PDGFD: variants seen among roughly 807,000 people sequenced by gnomAD.
The protein encoded by PDGFD is platelet-derived growth factor D.
In PDGFD, 30 loss-of-function variants were observed where a neutral mutation model predicts 44.7. The ratio of observed to expected loss-of-function variants is 0.67; its 90% CI spans 0.50 to 0.91. The LOEUF (loss-of-function observed/expected upper bound fraction) is 0.91, where lower values mean the gene tolerates loss of function less well. PDGFD is among the 40% of genes least tolerant of loss of function. PDGFD has a pLI of 0.00. For synonymous variants in PDGFD, 173 were observed against 168.4 expected (o/e 1.03, Z -0.21); for missense variants, 445 against 457.8 (o/e 0.97, Z 0.25).
chr11:104,159,566 T>C (rs1371734993), intron 1 of PDGFD, among the ~76,000 whole-genome samples: 1 of 152,182 alleles, frequency 6.6e-6, no homozygotes, highest in Non-Finnish European at 1.5e-5. Flanking sequence ...TCTAGACTCT[T>C]AGAGTGATAG....
chr11:104,104,710 C>A (rs1055434338), intron 1 of PDGFD, among the ~76,000 whole-genome samples: 4 of 152,066 alleles, frequency 2.6e-5, no homozygotes, highest in African/African-American at 9.7e-5. Context: ...ACCTAATATT[C>A]TCACCAAGAA....
intron 1 of PDGFD, among the ~76,000 whole-genome samples, chr11:104,110,002 T>C (rs1240155556): frequency 1.3e-5 from 2 of 152,122 alleles, no homozygotes; most frequent in Non-Finnish European, 2.9e-5. Context: ...GAGCTAACCA[T>C]ATTGAATGCT....
intron 1 of PDGFD, among the ~76,000 whole-genome samples, chr11:104,009,307 T>C (rs1006151953): frequency 2.0e-5 from 3 of 152,128 alleles, no homozygotes; most frequent in African/African-American, 4.8e-5. Flanking sequence ...CTTGGATTTA[T>C]TAAGCAATAT....
chr11:104,076,789 C>A lies in PDGFD; in HGVS notation c.125-76534G>T, dbSNP rs548520768. 3.2e-4 allele frequency among the ~76,000 whole-genome samples: 49 copies of A among 152,288 alleles called. 1 individual carries two copies. Among genetic ancestry groups the A allele is most frequent in the African/African-American group, 1.1e-3 (45 of 41,556 alleles). On this transcript the variant is annotated intron_variant, in intron 1 of 6. Transcript: ENST00000393158. ...TCTGCCACCCTTAAGACAGCAAGAC[C>A]AAGCCCTTCTCTTTCTTCTCTCTCC...
chr11:104,005,603 G>A (rs1386751), intron 1 of PDGFD, among the ~76,000 whole-genome samples: 45,401 of 152,052 alleles, frequency 0.3, 8,170 homozygotes, highest in Admixed American at 0.48. Flanking sequence ...TAACATTTCT[G>A]GAGCAACTAT....
chr11:103,975,764 T>C (rs1198816516), intron 3 of PDGFD, among the ~76,000 whole-genome samples: 3 of 152,156 alleles, frequency 2.0e-5, no homozygotes, highest in African/African-American at 7.2e-5. Flanking sequence ...CCTTTCCCCA[T>C]TGCTTGTTTT....
Position 104,142,163 on chromosome 11 carries a change from ATG to A in PDGFD, c.124+21639_124+21640del, listed in dbSNP as rs1407101878. On this transcript the variant is annotated intron_variant, in intron 1 of 6. Coordinates refer to ENST00000393158, the MANE Select transcript of PDGFD (RefSeq NM_025208.5). ...CATAACAAACAATACACCTGAACAT[ATG>A]TGTGTACATGTTTGCATGCCTGTAC... Among the ~76,000 whole-genome samples, 3 of 152,208 alleles carry A rather than the reference ATG, an allele frequency of 2.0e-5. No individual in the cohort carries two copies. In the East Asian group the frequency reaches 5.8e-4, roughly 29 times the overall value.
At chr11:104,046,491 T>C (rs1860444198) in intron 1 of PDGFD, among the ~76,000 whole-genome samples, 1 of 147,512 alleles carries the variant, frequency 6.8e-6, no homozygotes, top group African/African-American at 2.5e-5. Flanking sequence ...AAAACAATAA[T>C]TGACAGAAAA....
At chr11:104,125,027 T>C (rs1018279719) in intron 1 of PDGFD, among the ~76,000 whole-genome samples, 1 of 152,150 alleles carries the variant, frequency 6.6e-6, no homozygotes, top group African/African-American at 2.4e-5. Flanking sequence ...ATTAAGCTTT[T>C]TGTGTTGACT....
chr11:103,907,880 T>C lies in PDGFD; in HGVS notation c.*1814A>G, dbSNP rs1227843546. 6.6e-6 allele frequency: 1 copy of C among 152,192 alleles called. No homozygotes were observed. The highest frequency in any genetic ancestry group is 2.4e-5 in the African/African-American group (1 of 41,432). 9.4% of individuals were successfully genotyped at this position (152,192 alleles called of 1,614,324 possible). ...GAGAATTGAACAATAGAGTATTTAA[T>C]TTTACCACTCCCCTCTTGAGTAAAA... is the stretch of plus-strand genomic sequence containing the variant. On this transcript the variant is annotated 3_prime_UTR_variant, in exon 7 of 7. Coordinates refer to ENST00000393158, the MANE Select transcript of PDGFD (RefSeq NM_025208.5).
At chr11:104,141,746 T>G (rs569235515) in intron 1 of PDGFD, among the ~76,000 whole-genome samples, 11 of 152,256 alleles carry the variant, frequency 7.2e-5, no homozygotes, top group African/African-American at 2.4e-4. Flanking sequence ...AATGTGACCA[T>G]GAAGGCAGAA....
At chr11:104,092,414 C>T (rs571675512) in intron 1 of PDGFD, among the ~76,000 whole-genome samples, 8 of 152,206 alleles carry the variant, frequency 5.3e-5, no homozygotes, top group African/African-American at 1.9e-4. Flanking sequence ...GCAGAACAAC[C>T]GAGGACCTAC....
intron 1 of PDGFD, among the ~76,000 whole-genome samples, chr11:104,011,676 A>G (rs1288565104): frequency 1.3e-5 from 2 of 152,144 alleles, no homozygotes; most frequent in Non-Finnish European, 2.9e-5. Context: ...GTAGCATAAT[A>G]TATGGATGAA....
intron 1 of PDGFD, among the ~76,000 whole-genome samples, chr11:104,067,711 A>T (rs1860811543): frequency 6.6e-6 from 1 of 152,168 alleles, no homozygotes. Context: ...TTGGGAAGAT[A>T]AATGGCATCT....
At chr11:104,139,616 A>G (rs550647476) in intron 1 of PDGFD, among the ~76,000 whole-genome samples, 2 of 152,308 alleles carry the variant, frequency 1.3e-5, no homozygotes, top group Non-Finnish European at 2.9e-5. Context: ...TACTTTAAAC[A>G]ACAAAGACTT....
intron 3 of PDGFD, among the ~76,000 whole-genome samples, chr11:103,994,941 G>A (rs1330882082): frequency 6.7e-6 from 1 of 148,946 alleles, no homozygotes; most frequent in African/African-American, 2.5e-5. Context: ...CTGCAGTAGT[G>A]TAGTCATGGT....
At chr11:104,126,605 T>C (rs914047414) in intron 1 of PDGFD, among the ~76,000 whole-genome samples, 14 of 152,140 alleles carry the variant, frequency 9.2e-5, no homozygotes, top group African/African-American at 3.1e-4. Flanking sequence ...ATTTCTGTTC[T>C]TAAGGAGATT....
intron 1 of PDGFD, among the ~76,000 whole-genome samples, chr11:104,050,491 G>A (rs1336607862): frequency 6.6e-6 from 1 of 152,178 alleles, no homozygotes; most frequent in Non-Finnish European, 1.5e-5. Flanking sequence ...GCTGATAGAA[G>A]CAGCACTGGA....
At chr11:104,140,272 A>C (rs138600408) in intron 1 of PDGFD, among the ~76,000 whole-genome samples, 160 of 152,324 alleles carry the variant, frequency 1.1e-3, no homozygotes, top group African/African-American at 3.4e-3. Flanking sequence ...CAAAGAGCAA[A>C]TATAACCATG....
Sources: gnomAD v4.1 joint callset for allele counts (sites outside exome capture counted in the v4.1 genomes callset) on GRCh38, gnomAD v4.1.1 for gene constraint, MANE v1.5 for transcripts, NCBI Gene and HGNC (gene_info 2026-07-23, HGNC 2026-07-21) for gene names.